Variants in NAALADL2 observed in about 807,000 individuals in gnomAD.
The protein encoded by NAALADL2 is inactive N-acetylated-alpha-linked acidic dipeptidase-like protein 2.
NAALADL2 carries 76 observed loss-of-function variants against 87.2 expected under a neutral mutation model. The observed-to-expected ratio is 0.87, with a 90% CI of 0.72 to 1.05. NAALADL2 has a LOEUF of 1.05. Among genes scored for constraint, NAALADL2 ranks in the 50% least tolerant of loss-of-function variants. The pLI is 0.00. For missense variants in NAALADL2, 1,089 were observed against 945.8 expected (o/e 1.15, Z -1.99); for synonymous variants, 354 against 331.0 (o/e 1.07, Z -0.75).
At chr3:175,604,204 T>C (rs1438508732) in intron 10 of NAALADL2, among the ~76,000 whole-genome samples, 1 of 152,070 alleles carries the variant, frequency 6.6e-6, no homozygotes, top group Non-Finnish European at 1.5e-5. Flanking sequence ...TTGCCAAAAC[T>C]TGATATTTTC....
intron 3 of NAALADL2, among the ~76,000 whole-genome samples, chr3:174,849,454 G>A (rs760757763): frequency 6.6e-6 from 1 of 151,796 alleles, no homozygotes; most frequent in Non-Finnish European, 1.5e-5. Context: ...AAATGAAGAT[G>A]CACTGGGCAC....
chr3:175,694,629 G>A (rs1737495643), intron 11 of NAALADL2, among the ~76,000 whole-genome samples: 1 of 152,042 alleles, frequency 6.6e-6, no homozygotes, highest in Non-Finnish European at 1.5e-5. Flanking sequence ...TCTATAATGG[G>A]TTCCTGGAGA....
chr3:175,292,025 T>TA (rs1265198369), intron 4 of NAALADL2, among the ~76,000 whole-genome samples: 1 of 152,198 alleles, frequency 6.6e-6, no homozygotes, highest in Middle Eastern at 3.2e-3. Flanking sequence ...CAGGTATTTT[T>TA]AAAAAATAAT....
chr3:175,709,559 G>T (rs1740234977), intron 11 of NAALADL2, among the ~76,000 whole-genome samples: 1 of 152,120 alleles, frequency 6.6e-6, no homozygotes, highest in African/African-American at 2.4e-5. Flanking sequence ...ATGTCCACCA[G>T]TTGCGTAGGC....
intron 6 of NAALADL2, among the ~76,000 whole-genome samples, chr3:175,453,837 G>A (rs1284213019): frequency 6.6e-6 from 1 of 151,982 alleles, no homozygotes; most frequent in East Asian, 1.9e-4. Flanking sequence ...CTCCTACTGT[G>A]AATATAAATT....
chr3:175,780,777 T>G (rs538066176), intron 13 of NAALADL2, among the ~76,000 whole-genome samples: 1 of 152,336 alleles, frequency 6.6e-6, no homozygotes, highest in African/African-American at 2.4e-5. Flanking sequence ...GTCATTTTTT[T>G]AAAACTGTAA....
At chr3:175,226,167 C>A (rs199853225) in intron 2 of NAALADL2, among the ~76,000 whole-genome samples, 1 of 152,044 alleles carries the variant, frequency 6.6e-6, no homozygotes, top group Non-Finnish European at 1.5e-5. Context: ...ACCATATTTT[C>A]GTTGATCAGA....
Position 175,467,019 on chromosome 3 carries a change from C to G in NAALADL2, c.1368C>G (p.His456Gln), listed in dbSNP as rs760587859. The change falls in exon 8 of 14, where the codon CAC becomes CAG. Residue 456 changes from histidine (H) to glutamine (Q), a missense_variant. Physicochemically the swap from His to Gln is conservative, Grantham distance 24. Coordinates refer to ENST00000454872, the MANE Select transcript of NAALADL2 (RefSeq NM_207015.3). Reference sequence around the variant, plus strand: ...TTGGCAGCCATCATCACACTGCACACAGTTATAATGGACAAGAATGGGCCA... The same window carrying G: ...TTGGCAGCCATCATCACACTGCACAGAGTTATAATGGACAAGAATGGGCCA... ...IIVGSHHHTA[H>Q]SYNGQEWASS... 17 of 1,613,758 alleles carry G rather than the reference C, an allele frequency of 1.1e-5. No individual in the cohort carries two copies. Among genetic ancestry groups the G allele is most frequent in the Non-Finnish European group, 1.4e-5 (16 of 1,179,736 alleles).
intron 10 of NAALADL2, among the ~76,000 whole-genome samples, chr3:175,606,997 A>T (rs1723845590): frequency 6.6e-6 from 1 of 152,210 alleles, no homozygotes; most frequent in African/African-American, 2.4e-5. Flanking sequence ...AGTGGAGAGA[A>T]AAAGAAGACC....
intron 13 of NAALADL2, among the ~76,000 whole-genome samples, chr3:175,800,468 TG>T (rs1754017217): frequency 6.6e-6 from 1 of 152,186 alleles, no homozygotes; most frequent in Admixed American, 6.5e-5. Context: ...TAAAGGATAT[TG>T]GACTATTAGA....
intron 3 of NAALADL2, among the ~76,000 whole-genome samples, chr3:174,783,011 C>G (rs1241153759): frequency 6.6e-6 from 1 of 152,110 alleles, no homozygotes; most frequent in Non-Finnish European, 1.5e-5. Context: ...CTTGGCGTCT[C>G]TTGGCTGTCT....
chr3:174,877,988 A>G (rs951260494), intron 1 of NAALADL2, among the ~76,000 whole-genome samples: 2 of 152,098 alleles, frequency 1.3e-5, no homozygotes, highest in African/African-American at 4.8e-5. Context: ...TTCCAAAACC[A>G]GAGTGTACTT....
In NAALADL2 at chr3:175,152,871, C is replaced by A. The variant is rs993777521; in HGVS notation, c.545+55580C>A. 1.2e-4 allele frequency among the ~76,000 whole-genome samples: 18 copies of A among 151,926 alleles called. No individual in the cohort carries two copies. In the East Asian group the frequency reaches 3.3e-3, roughly 28 times the overall value. On this transcript the variant is annotated intron_variant, in intron 2 of 13. Coordinates refer to ENST00000454872, the MANE Select transcript of NAALADL2 (RefSeq NM_207015.3). Reference sequence around the variant, plus strand: ...GCAGTGAGCTGAGATCATGCCACTGCACTCCAGTCTGGGCGACAGAGTGAG... The same window carrying A: ...GCAGTGAGCTGAGATCATGCCACTGAACTCCAGTCTGGGCGACAGAGTGAG...
chr3:174,912,027 A>T (rs1445260388), intron 1 of NAALADL2, among the ~76,000 whole-genome samples: 1 of 152,098 alleles, frequency 6.6e-6, no homozygotes, highest in Non-Finnish European at 1.5e-5. Flanking sequence ...ACAGTTGCCA[A>T]TTGTCCACCA....
intron 11 of NAALADL2, among the ~76,000 whole-genome samples, chr3:175,667,237 AAG>A (rs1553945351): frequency 4.0e-5 from 4 of 100,236 alleles, no homozygotes; most frequent in African/African-American, 1.9e-4. Context: ...GAAAGAAAGA[AAG>A]AAAAAGAAAG....
chr3:175,680,553 C>T (rs1004825866), intron 11 of NAALADL2, among the ~76,000 whole-genome samples: 1 of 152,114 alleles, frequency 6.6e-6, no homozygotes, highest in African/African-American at 2.4e-5. Flanking sequence ...TAGCTTCAGG[C>T]AGTGTTATAT....
intron 1 of NAALADL2, among the ~76,000 whole-genome samples, chr3:174,519,081 A>C (rs1458730293): frequency 6.6e-6 from 1 of 152,160 alleles, no homozygotes; most frequent in Non-Finnish European, 1.5e-5. Context: ...TGCAAGACAA[A>C]CACATTCAAC....
intron 4 of NAALADL2, among the ~76,000 whole-genome samples, chr3:175,312,963 T>A (rs6802941): frequency 6.6e-6 from 1 of 151,928 alleles, no homozygotes; most frequent in African/African-American, 2.4e-5. Context: ...GCTGCCATAG[T>A]AAAATACCAT....
intron 9 of NAALADL2, among the ~76,000 whole-genome samples, chr3:175,537,019 T>C (rs1734916815): frequency 1.3e-5 from 2 of 152,216 alleles, no homozygotes; most frequent in South Asian, 2.1e-4. Flanking sequence ...ATTATATTTA[T>C]TGAGCTACTC....
Sources: gnomAD v4.1 joint callset for allele counts (sites outside exome capture counted in the v4.1 genomes callset) on GRCh38, gnomAD v4.1.1 for gene constraint, MANE v1.5 for transcripts, NCBI Gene and HGNC (gene_info 2026-07-23, HGNC 2026-07-21) for gene names.